RNF150: variants seen among roughly 807,000 people sequenced by gnomAD.
RNF150 encodes ring finger protein 150.
Under a neutral mutation model 39.3 loss-of-function variants are expected in RNF150, and 24 were observed. That is an observed-to-expected ratio of 0.61 (90% CI 0.44 to 0.86). The LOEUF (loss-of-function observed/expected upper bound fraction) is 0.86. RNF150 is among the 40% of genes least tolerant of loss of function. The pLI is 0.00. For synonymous variants in RNF150, 255 were observed against 227.3 expected (o/e 1.12, Z -1.10); for missense variants, 502 against 587.8 (o/e 0.85, Z 1.51).
chr4:141,099,945 G>A (rs1415425237), intron 1 of RNF150, among the ~76,000 whole-genome samples: 1 of 152,086 alleles, frequency 6.6e-6, no homozygotes, highest in East Asian at 1.9e-4. Flanking sequence ...TTGGTTTGGA[G>A]TGTGTGTGTA....
At chr4:140,921,818 G>A (rs1397804331) in intron 5 of RNF150, among the ~76,000 whole-genome samples, 3 of 152,078 alleles carry the variant, frequency 2.0e-5, no homozygotes, top group Non-Finnish European at 4.4e-5. Context: ...TTCAACATAT[G>A]CAAATCAATA....
chr4:141,203,464 G>T (rs1728322882), intron 1 of RNF150, among the ~76,000 whole-genome samples: 1 of 151,596 alleles, frequency 6.6e-6, no homozygotes, highest in South Asian at 2.1e-4. Context: ...CAAAAAATGT[G>T]GACTTTGATC....
At chr4:140,986,714 T>G (rs1734027413) in intron 1 of RNF150, among the ~76,000 whole-genome samples, 1 of 152,080 alleles carries the variant, frequency 6.6e-6, no homozygotes, top group Non-Finnish European at 1.5e-5. Flanking sequence ...CAATAGTCCT[T>G]CTATGCAAAT....
intron 1 of RNF150, among the ~76,000 whole-genome samples, chr4:141,141,074 C>A (rs1727110989): frequency 6.6e-6 from 1 of 152,186 alleles, no homozygotes; most frequent in African/African-American, 2.4e-5. Context: ...AAGACTACAG[C>A]ATTAATGTAT....
chr4:141,075,566 A>G (rs1194569392), intron 1 of RNF150, among the ~76,000 whole-genome samples: 1 of 152,258 alleles, frequency 6.6e-6, no homozygotes, highest in Non-Finnish European at 1.5e-5. Context: ...TAAATTACTT[A>G]GAAAATCTCT....
intron 1 of RNF150, among the ~76,000 whole-genome samples, chr4:141,204,764 T>C (rs1688341737): frequency 6.6e-6 from 1 of 152,224 alleles, no homozygotes. Context: ...TATGCTTTTT[T>C]GCACATTTTA....
chr4:141,167,115 T>C (rs974839620), intron 1 of RNF150, among the ~76,000 whole-genome samples: 1 of 152,008 alleles, frequency 6.6e-6, no homozygotes, highest in Non-Finnish European at 1.5e-5. Context: ...ACAAAATCAA[T>C]ATGCAAAAAT....
intron 1 of RNF150, among the ~76,000 whole-genome samples, chr4:141,062,433 T>C (rs1228834526): frequency 6.6e-6 from 1 of 152,120 alleles, no homozygotes; most frequent in East Asian, 1.9e-4. Context: ...AAGGTCTACA[T>C]GCATATAAAG....
chr4:140,960,781 T>C (rs533911844), intron 2 of RNF150, among the ~76,000 whole-genome samples: 1 of 152,256 alleles, frequency 6.6e-6, no homozygotes, highest in African/African-American at 2.4e-5. Context: ...GACTAAACTA[T>C]ATGTAAGGTA....
At chr4:141,146,793 C>T (rs1320716997) in intron 1 of RNF150, among the ~76,000 whole-genome samples, 2 of 152,134 alleles carry the variant, frequency 1.3e-5, no homozygotes, top group Non-Finnish European at 2.9e-5. Flanking sequence ...ACTTTGTTAT[C>T]TCCACTAAGA....
chr4:140,939,685 T>C (rs570855306), intron 4 of RNF150, among the ~76,000 whole-genome samples: 5 of 151,672 alleles, frequency 3.3e-5, no homozygotes, highest in African/African-American at 1.2e-4. Flanking sequence ...TCCCTTTCAG[T>C]GCTTGAAATC....
At chr4:140,984,252 G>T (rs1003257) in intron 1 of RNF150, among the ~76,000 whole-genome samples, 22,802 of 152,076 alleles carry the variant, frequency 0.15, 1,898 homozygotes, top group Middle Eastern at 0.24. Flanking sequence ...GATAAAAAAT[G>T]GGCCTCTTAA....
rs534137204 is a variant in RNF150, at chr4:141,069,945, C to G, written c.484+62380G>C. ...TTTATTGTGTCTATTTGATTCTTCT[C>G]TCTTTTTTTCTTTATTAGTCTTGCT... On this transcript the variant is annotated intron_variant, in intron 1 of 6. Coordinates refer to ENST00000515673, the MANE Select transcript of RNF150 (RefSeq NM_020724.2). Among the ~76,000 whole-genome samples the G allele has an allele frequency of 1.6e-3, 236 of 152,170 alleles. 2 individuals are homozygous for G. Among genetic ancestry groups the G allele is most frequent in the African/African-American group, 5.2e-3 (214 of 41,506 alleles).
In RNF150 at chr4:140,863,049, G is replaced by A. The variant is rs1466385184; in HGVS notation, c.*5212C>T. Reference sequence around the variant, plus strand: ...GAAGAACCATGCATCCCCATCTTAAGAGGGTAGTCTCTTCGTGTCTCTTTG... The same window carrying A: ...GAAGAACCATGCATCCCCATCTTAAAAGGGTAGTCTCTTCGTGTCTCTTTG... On this transcript the variant is annotated 3_prime_UTR_variant, in exon 7 of 7. Transcript: ENST00000515673. 1.3e-5 allele frequency: 2 copies of A among 152,170 alleles called. No homozygotes were observed. Among genetic ancestry groups the A allele is most frequent in the Non-Finnish European group, 2.9e-5 (2 of 68,044 alleles). 9.4% of individuals were successfully genotyped at this position (152,170 alleles called of 1,614,324 possible).
In RNF150 at chr4:141,027,952, T is replaced by TTTTTTTTTTTTG. The variant is rs1553938684; in HGVS notation, c.485-60080_485-60079insCAAAAAAAAAAA. Among the ~76,000 whole-genome samples, 66 of 71,608 alleles carry TTTTTTTTTTTTG rather than the reference T, an allele frequency of 9.2e-4. 13 individuals are homozygous for TTTTTTTTTTTTG. Among genetic ancestry groups the TTTTTTTTTTTTG allele is most frequent in the Non-Finnish European group, 1.6e-3 (54 of 34,322 alleles). 47.0% of individuals were successfully genotyped at this position (71,608 alleles called of 152,430 possible). A position where few individuals can be genotyped will look rare whatever the true frequency, so the allele number is the denominator to read the frequency against. ...TTTTTTTTTTTTTTTTTTTTTTTTT[T>TTTTTTTTTTTTG]CAATCCTGCTGGATCAAGATGTATA... On this transcript the variant is annotated intron_variant, in intron 1 of 6. Coordinates refer to ENST00000515673, the MANE Select transcript of RNF150 (RefSeq NM_020724.2).
chr4:140,882,611 G>GT (rs1729418618), intron 6 of RNF150, among the ~76,000 whole-genome samples: 2 of 152,036 alleles, frequency 1.3e-5, no homozygotes. Context: ...GCTCTGTTAG[G>GT]TAAATATATA....
intron 1 of RNF150, among the ~76,000 whole-genome samples, chr4:141,205,504 A>G (rs973552326): frequency 5.3e-5 from 8 of 152,190 alleles, no homozygotes; most frequent in Non-Finnish European, 8.8e-5. Flanking sequence ...TTACAGAGGC[A>G]GGACAAAAGA....
chr4:141,071,892 AT>A (rs1737720467), intron 1 of RNF150, among the ~76,000 whole-genome samples: 1 of 152,106 alleles, frequency 6.6e-6, no homozygotes, highest in Admixed American at 6.6e-5. Flanking sequence ...GGTAACATTT[AT>A]TTTTTATTCT....
chr4:141,105,392 C>G (rs57425272), intron 1 of RNF150, among the ~76,000 whole-genome samples: 1,832 of 152,294 alleles, frequency 0.012, 36 homozygotes, highest in African/African-American at 0.042. Context: ...CTTGACCTCT[C>G]AGCAGCACTG....
Sources: allele counts gnomAD v4.1 joint callset (sites outside exome capture counted in the v4.1 genomes callset), GRCh38; gene constraint gnomAD v4.1.1; transcripts MANE v1.5; gene names NCBI Gene and HGNC (gene_info 2026-07-23, HGNC 2026-07-21).